ZNF365: variants seen among roughly 807,000 people sequenced by gnomAD.
ZNF365 encodes protein ZNF365.
Under a neutral mutation model 35.0 loss-of-function variants are expected in ZNF365, and 22 were observed. That is an observed-to-expected ratio of 0.63 (90% confidence interval 0.45 to 0.90). ZNF365 has a LOEUF of 0.90. Among genes scored for constraint, ZNF365 ranks in the 40% least tolerant of loss-of-function variants. The pLI, the probability that ZNF365 is intolerant of heterozygous loss-of-function variation, is 0.00. For missense variants in ZNF365, 448 were observed against 500.3 expected (o/e 0.90, Z 1.00); for synonymous variants, 188 against 196.2 (o/e 0.96, Z 0.35).
chr10:62,446,591 A>T (rs1840592952), intron 3 of ZNF365, among the ~76,000 whole-genome samples: 1 of 99,582 alleles, frequency 1.0e-5, no homozygotes, highest in Admixed American at 1.0e-4. Context: ...TCAGATACAG[A>T]GCTTCCAGGG....
intron 3 of ZNF365, among the ~76,000 whole-genome samples, chr10:62,418,089 G>T (rs1840103155): frequency 6.6e-6 from 1 of 151,764 alleles, no homozygotes; most frequent in African/African-American, 2.4e-5. Context: ...TGACAAAAAT[G>T]CACAAACAAC....
At chr10:62,467,121 G>A (rs1163406068) in intron 4 of ZNF365, among the ~76,000 whole-genome samples, 2 of 152,174 alleles carry the variant, frequency 1.3e-5, no homozygotes, top group Non-Finnish European at 2.9e-5. Context: ...GATTTCATTT[G>A]CCATAGGCAA....
intron 3 of ZNF365, among the ~76,000 whole-genome samples, chr10:62,427,085 C>A (rs1589448906): frequency 6.6e-6 from 1 of 152,222 alleles, no homozygotes; most frequent in Admixed American, 6.5e-5. Context: ...GCTGTCCTAA[C>A]ATCCTAGCGC....
chr10:62,445,816 A>G (rs956306638), intron 3 of ZNF365, among the ~76,000 whole-genome samples: 3 of 152,088 alleles, frequency 2.0e-5, no homozygotes, highest in Admixed American at 6.6e-5. Flanking sequence ...TGCTCATCTC[A>G]TTGTTCTTTT....
At chr10:62,392,042 A>G (rs531032123) in intron 3 of ZNF365, among the ~76,000 whole-genome samples, 9 of 152,264 alleles carry the variant, frequency 5.9e-5, no homozygotes, top group African/African-American at 1.2e-4. Flanking sequence ...GGCCATTTGT[A>G]TATCTTCTTT....
At chr10:62,406,127 C>T (rs918051535), downstream of ZNF365, among the ~76,000 whole-genome samples, 2 of 152,154 alleles carry the variant, frequency 1.3e-5, no homozygotes, top group Non-Finnish European at 2.9e-5. Context: ...TGCCCTGGCT[C>T]TGGCCTGTCT....
intron 2 of ZNF365, among the ~76,000 whole-genome samples, chr10:62,384,163 G>T (rs146982988): frequency 6.7e-6 from 1 of 149,230 alleles, no homozygotes; most frequent in African/African-American, 2.5e-5. Flanking sequence ...AAGTGGCTTA[G>T]AACCAGTTAA....
intron 3 of ZNF365, among the ~76,000 whole-genome samples, chr10:62,426,708 G>A (rs1156887844): frequency 1.3e-5 from 2 of 152,082 alleles, no homozygotes; most frequent in Admixed American, 6.6e-5. Flanking sequence ...TAGGATTGGC[G>A]AGTTTGAATC....
intron 3 of ZNF365, among the ~76,000 whole-genome samples, chr10:62,435,594 A>G (rs1840394946): frequency 6.6e-6 from 1 of 152,206 alleles, no homozygotes; most frequent in Non-Finnish European, 1.5e-5. Context: ...CATCTGACAA[A>G]GACTATGGAA....
At chr10:62,435,621 A>G (rs1375327146) in intron 3 of ZNF365, among the ~76,000 whole-genome samples, 1 of 152,162 alleles carries the variant, frequency 6.6e-6, no homozygotes, top group African/African-American at 2.4e-5. Flanking sequence ...CTTGTTCCCA[A>G]TCAAGGGAGA....
intron 3 of ZNF365, among the ~76,000 whole-genome samples, chr10:62,435,360 CAAG>C (rs1252834400): frequency 1.3e-5 from 2 of 152,080 alleles, no homozygotes; most frequent in South Asian, 2.1e-4. Context: ...ATAATACTCC[CAAG>C]AAGAAGGTTT....
At chr10:62,441,605 G>T (rs1411199494) in intron 3 of ZNF365, among the ~76,000 whole-genome samples, 1 of 152,092 alleles carries the variant, frequency 6.6e-6, no homozygotes, top group Non-Finnish European at 1.5e-5. Flanking sequence ...CAGCTCCATG[G>T]TTGTGTCCAG....
intron 3 of ZNF365, among the ~76,000 whole-genome samples, chr10:62,448,364 G>A (rs1840624496): frequency 6.6e-6 from 1 of 152,190 alleles, no homozygotes; most frequent in African/African-American, 2.4e-5. Flanking sequence ...TAGAGTGGGG[G>A]ACAGCTATGA....
intron 2 of ZNF365, among the ~76,000 whole-genome samples, chr10:62,381,307 T>C (rs1046674877): frequency 3.9e-5 from 6 of 152,156 alleles, no homozygotes; most frequent in Non-Finnish European, 8.8e-5. Flanking sequence ...GTTGCCCCTG[T>C]TTCCTGCTGG....
intron 3 of ZNF365, among the ~76,000 whole-genome samples, chr10:62,391,129 T>A (rs1238435327): frequency 6.6e-6 from 1 of 152,252 alleles, no homozygotes; most frequent in East Asian, 1.9e-4. Context: ...TATAGACTTT[T>A]AAATTATTTT....
chr10:62,458,811 G>A lies in ZNF365; in HGVS notation c.925-930G>A, dbSNP rs199740823. ...CTGTTTAAGTTGTACTTAAAAACAA[G>A]AAAAGATATGTTGATTCTAACCTCT... On this transcript the variant is annotated intron_variant, in intron 3 of 4. Coordinates refer to the ZNF365 transcript ENST00000395255. Among the ~76,000 whole-genome samples, 19 of 152,218 alleles carry A rather than the reference G, an allele frequency of 1.2e-4. No individual in the cohort carries two copies. The East Asian group carries it at 3.7e-3, about 29-fold the overall frequency.
At chr10:62,479,642 A>G (rs1427877961) in intron 4 of ZNF365, among the ~76,000 whole-genome samples, 1 of 152,176 alleles carries the variant, frequency 6.6e-6, no homozygotes, top group Non-Finnish European at 1.5e-5. Context: ...CCTTACCTGA[A>G]CTGCCCACTC....
At chr10:62,390,740 G>C (rs1416537729) in intron 3 of ZNF365, among the ~76,000 whole-genome samples, 1 of 152,188 alleles carries the variant, frequency 6.6e-6, no homozygotes, top group African/African-American at 2.4e-5. Context: ...CACATGCCTA[G>C]GGTATATGGT....
intron 3 of ZNF365, among the ~76,000 whole-genome samples, chr10:62,431,483 CTA>C (rs1467989036): frequency 4.1e-5 from 6 of 147,900 alleles, no homozygotes; most frequent in Admixed American, 3.4e-4. Flanking sequence ...GCAACATAGT[CTA>C]TGCTGTTAAT....
Sources: gnomAD v4.1 joint callset for allele counts (sites outside exome capture counted in the v4.1 genomes callset) on GRCh38, gnomAD v4.1.1 for gene constraint, MANE v1.5 for transcripts, NCBI Gene and HGNC (gene_info 2026-07-23, HGNC 2026-07-21) for gene names.